C4orf54: variants seen among roughly 807,000 people sequenced by gnomAD.
C4orf54 encodes the protein uncharacterized protein C4orf54.
A neutral mutation model predicts 80.1 loss-of-function variants in C4orf54; 67 were observed. That is an observed-to-expected ratio of 0.84 (90% CI 0.69 to 1.03). C4orf54 has a LOEUF of 1.03. Ranked by LOEUF, C4orf54 falls within the 50% of genes least tolerant of loss-of-function variation. The probability of loss-of-function intolerance (pLI) is 0.00; values close to 1 mark genes in which losing one functional copy is unlikely to be tolerated. For missense variants in C4orf54, 2,434 were observed against 2,253.5 expected (o/e 1.08, Z -1.62); for synonymous variants, 1,000 against 917.0 (o/e 1.09, Z -1.64).
chr4:99,647,389 A>T (rs1162592897), intron 2 of C4orf54, among the ~76,000 whole-genome samples: 3 of 152,168 alleles, frequency 2.0e-5, no homozygotes, highest in African/African-American at 7.2e-5. Context: ...CGATTAAAAC[A>T]CTTTTGCCTA....
rs568719483 is a variant in C4orf54, at chr4:99,640,374, C to G, written c.*859G>C. The G allele has an allele frequency of 1.3e-5, 2 of 152,044 alleles. No individual in the cohort carries two copies. The highest frequency in any genetic ancestry group is 2.1e-4 in the South Asian group (1 of 4,804). The allele number at this position is 152,044 out of a possible 1,614,324, so 9.4% of individuals were successfully genotyped here. Reference sequence around the variant, plus strand: ...GACTCTAAACAATCCATGAGAGACACGAGTATGCAACTATGGAGGGAATTA... The same window carrying G: ...GACTCTAAACAATCCATGAGAGACAGGAGTATGCAACTATGGAGGGAATTA... On this transcript the variant is annotated 3_prime_UTR_variant, in exon 3 of 3. Coordinates refer to ENST00000511828, the MANE Select transcript of C4orf54 (RefSeq NM_001354435.2).
At position 99,654,247 on chromosome 4, in the gene C4orf54, G is replaced by A. The variant is rs1379504411; in HGVS notation, c.402C>T (p.Phe134=). The change falls in exon 2 of 3, where the codon TTC becomes TTT. Residue 134 remains phenylalanine, a synonymous_variant. Transcript: ENST00000511828. ...QDFPSDHHCL[F]LSLKPGQGLI... The stretch of plus-strand genomic sequence containing the variant: ...GCCCTTGCCCAGGTTTCAGCGACAG[G>A]AAGAGACAATGGTGATCGCTGGGGA... The A allele has an allele frequency of 2.0e-6, 3 of 1,536,162 alleles. No individual in the cohort carries two copies. Among genetic ancestry groups the A allele is most frequent in the South Asian group, 2.4e-5 (2 of 84,060 alleles).
chr4:99,641,404 G>A (rs1244515888), intron 2 of C4orf54, among the ~76,000 whole-genome samples: 1 of 152,076 alleles, frequency 6.6e-6, no homozygotes, highest in Non-Finnish European at 1.5e-5. Flanking sequence ...CCAACTTCAG[G>A]AAATTGCCCC....
At position 99,639,840 on chromosome 4, in the gene C4orf54, G is replaced by A. The variant is rs1033899941; in HGVS notation, c.*1393C>T. 15 of 151,964 alleles carry A rather than the reference G, an allele frequency of 9.9e-5. No homozygotes were observed. The highest frequency in any genetic ancestry group is 2.2e-4 in the Non-Finnish European group (15 of 67,956). The allele number at this position is 151,964 out of a possible 1,614,324, so 9.4% of individuals were successfully genotyped here. On this transcript the variant is annotated 3_prime_UTR_variant, in exon 3 of 3. Coordinates refer to ENST00000511828, the MANE Select transcript of C4orf54 (RefSeq NM_001354435.2). ...AGCATAAAATTCTGTGGCTTATGAA[G>A]AAAATTTAAGCAGAAATCAAATATT...
Position 99,650,113 on chromosome 4 carries a change from G to A in C4orf54, c.4536C>T (p.Arg1512=). 2 of 1,536,012 alleles carry A rather than the reference G, an allele frequency of 1.3e-6. No homozygotes were observed. Among genetic ancestry groups the A allele is most frequent in the Non-Finnish European group, 1.7e-6 (2 of 1,146,876 alleles). ...TLCSLPPLSA[R]SQVPSSSKGS... ...CTTTGGAGCTACTGGGGACCTGACT[G>A]CGGGCACTCAGCGGGGGTAAACTAC... is the stretch of plus-strand genomic sequence containing the variant. Residue 1512 remains arginine, a synonymous_variant, in exon 2 of 3, where the codon CGC becomes CGT. Coordinates refer to ENST00000511828, the MANE Select transcript of C4orf54 (RefSeq NM_001354435.2).
Position 99,652,129 on chromosome 4 carries a change from G to A in C4orf54, c.2520C>T (p.His840=). The change falls in exon 2 of 3, where the codon CAC becomes CAT. Residue 840 remains histidine, a synonymous_variant. Coordinates refer to ENST00000511828, the MANE Select transcript of C4orf54 (RefSeq NM_001354435.2). ...ERGEVMDTSH[H]LSGTSKETEG... is the part of the protein sequence containing the mutation. ...CCGTCTCCTTGGAGGTGCCTGAGAG[G>A]TGGTGGGATGTATCCATGACTTCTC... 6.5e-7 allele frequency: 1 copy of A among 1,536,106 alleles called. No homozygotes were observed. Among genetic ancestry groups the A allele is most frequent in the Non-Finnish European group, 8.7e-7 (1 of 1,146,870 alleles).
Position 99,649,309 on chromosome 4 carries a change from G to A in C4orf54, c.5340C>T (p.Ser1780=). The part of the protein sequence containing the change: ...PLGPRIIAPP[S]FDGTTMSFVV... ...CAAAGCTCATGGTGGTGCCATCAAA[G>A]GAAGGGGGAGCAATGATCCGTGGCC... Residue 1780 remains serine (S), a synonymous_variant, in exon 2 of 3, where the codon TCC becomes TCT. Coordinates refer to ENST00000511828, the MANE Select transcript of C4orf54 (RefSeq NM_001354435.2). 1.3e-6 allele frequency: 2 copies of A among 1,534,638 alleles called. No individual in the cohort carries two copies. Among genetic ancestry groups the A allele is most frequent in the Non-Finnish European group, 8.7e-7 (1 of 1,145,846 alleles).
Position 99,650,027 on chromosome 4 carries a change from T to C in C4orf54, c.4622A>G (p.Glu1541Gly). The C allele has an allele frequency of 2.0e-6, 3 of 1,534,698 alleles. No individual in the cohort carries two copies. Among genetic ancestry groups the C allele is most frequent in the Non-Finnish European group, 1.7e-6 (2 of 1,146,016 alleles). ...AWRTKPDNPR[E>G]TVAAPPGPQS... ...TGGCCCTGGGGGGGCAGCTACTGTCTCCCGGGGGTTGTCAGGTTTGGTACG... is the reference window on the plus strand; with the variant it reads ...TGGCCCTGGGGGGGCAGCTACTGTCCCCCGGGGGTTGTCAGGTTTGGTACG... Residue 1541 changes from glutamate to glycine, a missense_variant, in exon 2 of 3, where the codon GAG (glutamate) becomes GGG (glycine). Glu to Gly is a moderately conservative substitution (Grantham distance 98). Coordinates refer to ENST00000511828, the MANE Select transcript of C4orf54 (RefSeq NM_001354435.2).
Position 99,652,364 on chromosome 4 carries a change from G to C in C4orf54, c.2285C>G (p.Ala762Gly). ...CCTGCCGGGCCCAGGGGCCGAGCTG[G>C]CTTTGCTCTCACTGCGTACATTCAG... ...EPLNVRSESK[A>G]SSAPGPGRAT... The change falls in exon 2 of 3, where the codon GCC (alanine) becomes GGC (glycine). Residue 762 changes from alanine to glycine, a missense_variant. Ala to Gly is a moderately conservative substitution (Grantham distance 60). Coordinates refer to ENST00000511828, the MANE Select transcript of C4orf54 (RefSeq NM_001354435.2). 2 of 1,536,122 alleles carry C rather than the reference G, an allele frequency of 1.3e-6. No individual in the cohort carries two copies. Among genetic ancestry groups the C allele is most frequent in the Non-Finnish European group, 1.7e-6 (2 of 1,146,900 alleles).
chr4:99,652,210 G>T lies in C4orf54; in HGVS notation c.2439C>A (p.Leu813=), dbSNP rs1447283891. The T allele has an allele frequency of 6.5e-7, 1 of 1,535,948 alleles. No homozygotes were observed. Among genetic ancestry groups the T allele is most frequent in the Admixed American group, 2.0e-5 (1 of 50,996 alleles). The part of the protein sequence containing the change: ...PQKSKFASSL[L]KNVISKKMQR... ...GCATCTTCTTGGAAATGACATTTTT[G>T]AGCAGACTGGAGGCGAACTTGGACT... Residue 813 remains leucine (L), a synonymous_variant, in exon 2 of 3, where the codon CTC becomes CTA. Coordinates refer to ENST00000511828, the MANE Select transcript of C4orf54 (RefSeq NM_001354435.2).
Position 99,653,460 on chromosome 4 carries a change from T to G in C4orf54, c.1189A>C (p.Asn397His), listed in dbSNP as rs1726901342. The change falls in exon 2 of 3, where the codon AAC (asparagine) becomes CAC (histidine). Residue 397 changes from asparagine (N) to histidine (H), a missense_variant. Asn to His is a moderately conservative substitution (Grantham distance 68, BLOSUM62 1). Transcript: ENST00000511828. Reference sequence around the variant, plus strand: ...TCCACGAACGAGTAGATCACGTTGTTGTCCTCGAAATCCCAGCGGGAGGCC... The same window carrying G: ...TCCACGAACGAGTAGATCACGTTGTGGTCCTCGAAATCCCAGCGGGAGGCC... ...GLASRWDFED[N>H]NVIYSFVDYA... 6.5e-7 allele frequency: 1 copy of G among 1,535,994 alleles called. No homozygotes were observed. The highest frequency in any genetic ancestry group is 8.7e-7 in the Non-Finnish European group (1 of 1,146,916).
At position 99,653,306 on chromosome 4, in the gene C4orf54, G is replaced by C. The variant is rs775713060; in HGVS notation, c.1343C>G (p.Thr448Arg). The change falls in exon 2 of 3, where the codon ACA becomes AGA. Residue 448 changes from threonine to arginine, a missense_variant. Thr to Arg is a moderately conservative substitution (Grantham distance 71, BLOSUM62 -1). Transcript: ENST00000511828. ...ATTGGGGCGGGCCAGGTCGCTGCTT[G>C]TAGGGCTGGGCGTCCGGGTGGTGTT... ...STNTTRTPSP[T>R]SSDLARPNAG... 3.9e-6 allele frequency: 6 copies of C among 1,532,474 alleles called. No individual in the cohort carries two copies. Among genetic ancestry groups the C allele is most frequent in the Non-Finnish European group, 4.4e-6 (5 of 1,144,416 alleles). 94.9% of individuals were successfully genotyped at this position (1,532,474 alleles called of 1,614,324 possible).
In C4orf54 at chr4:99,653,318, G is replaced by A. The variant is rs1726896194; in HGVS notation, c.1331C>T (p.Thr444Met). 6.5e-7 allele frequency: 1 copy of A among 1,533,142 alleles called. No homozygotes were observed. The highest frequency in any genetic ancestry group is 8.7e-7 in the Non-Finnish European group (1 of 1,144,800). 95.0% of individuals were successfully genotyped at this position (1,533,142 alleles called of 1,614,324 possible). The change falls in exon 2 of 3, where the codon ACG (threonine) becomes ATG (methionine). Residue 444 changes from threonine to methionine, a missense_variant. Thr to Met is a moderately conservative substitution (Grantham distance 81). Transcript: ENST00000511828. ...CAGGTCGCTGCTTGTAGGGCTGGGC[G>A]TCCGGGTGGTGTTGGTGCTGGGAGT... ...STTPSTNTTRTPSPTSSDLAR... is the reference protein window; with the variant it reads ...STTPSTNTTRMPSPTSSDLAR...
intron 1 of C4orf54, among the ~76,000 whole-genome samples, chr4:99,657,258 C>A (rs72908760): frequency 0.019 from 2,921 of 152,336 alleles, 83 homozygotes; most frequent in African/African-American, 0.066. Context: ...AATTTTCCAG[C>A]ACTTTTCATA....
chr4:99,647,770 T>C (rs927813074), intron 2 of C4orf54, among the ~76,000 whole-genome samples: 1 of 152,222 alleles, frequency 6.6e-6, no homozygotes, highest in Non-Finnish European at 1.5e-5. Context: ...TGTTATATCA[T>C]CTGATATTTA....
chr4:99,643,792 A>ACACACCCCCC (rs61130907), intron 2 of C4orf54, among the ~76,000 whole-genome samples: 31 of 98,866 alleles, frequency 3.1e-4, no homozygotes, highest in Non-Finnish European at 4.1e-4. Context: ...ACACACACAC[A>ACACACCCCCC]CCCCCTCCGC....
rs1374475246 is a variant in C4orf54 at position 99,657,496 on chromosome 4, T to A, written c.-33A>T. Among the ~76,000 whole-genome samples the A allele has an allele frequency of 6.6e-6, 1 of 152,198 alleles. No homozygotes were observed. The highest frequency in any genetic ancestry group is 1.9e-4 in the East Asian group (1 of 5,202). ...CATCATTCTGACAGTAGTACTTACC[T>A]CCAAAGTATCTGTGTGGCTCCTTTA... On this transcript the variant is annotated splice_region_variant and 5_prime_UTR_variant, in exon 1 of 3. Transcript: ENST00000511828.
rs144236962 is a variant in C4orf54 at position 99,651,220 on chromosome 4, G to A, written c.3429C>T (p.Gly1143=). 2 of 1,536,134 alleles carry A rather than the reference G, an allele frequency of 1.3e-6. No homozygotes were observed. The highest frequency in any genetic ancestry group is 2.0e-5 in the Admixed American group (1 of 51,004). The change falls in exon 2 of 3, where the codon GGC becomes GGT. Residue 1143 remains glycine (G), a synonymous_variant. Transcript: ENST00000511828. ...PKPRQLSAAA[G]GSGSLSPMVI... is the part of the protein sequence containing the mutation. ...CCATGGGGGACAGGGATCCAGATCCGCCAGCTGCTGCAGACAGCTGCCTGG... is the reference window on the plus strand; with the variant it reads ...CCATGGGGGACAGGGATCCAGATCCACCAGCTGCTGCAGACAGCTGCCTGG...
rs1374098148 is a variant in C4orf54, at chr4:99,653,444, G to A, written c.1205C>T (p.Ser402Leu). Residue 402 changes from serine (S) to leucine (L), a missense_variant, in exon 2 of 3, where the codon TCG becomes TTG. Transcript: ENST00000511828. ...WDFEDNNVIY[S>L]FVDYASFGGS... is the part of the protein sequence containing the mutation. The stretch of plus-strand genomic sequence containing the variant: ...ACCAAAGGAAGCATAATCCACGAAC[G>A]AGTAGATCACGTTGTTGTCCTCGAA... The A allele has an allele frequency of 2.0e-6, 3 of 1,536,148 alleles. No homozygotes were observed. The highest frequency in any genetic ancestry group is 2.6e-6 in the Non-Finnish European group (3 of 1,146,898).
Sources: allele counts gnomAD v4.1 joint callset (sites outside exome capture counted in the v4.1 genomes callset), GRCh38; gene constraint gnomAD v4.1.1; transcripts MANE v1.5; gene names NCBI Gene and HGNC (gene_info 2026-07-23, HGNC 2026-07-21).